SIMC1: variants seen among roughly 807,000 people sequenced by gnomAD.
SIMC1 encodes the protein SUMO interacting motifs containing 1, also known as SUMO-interacting motif-containing protein 1.
In SIMC1, 55 loss-of-function variants were observed where a neutral mutation model predicts 82.3. The ratio of observed to expected loss-of-function variants is 0.67; its 90% CI spans 0.54 to 0.84. The LOEUF is 0.84. Among genes scored for constraint, SIMC1 ranks in the 40% least tolerant of loss-of-function variants. SIMC1 has a pLI of 0.00. For missense variants in SIMC1, 915 were observed against 1,107.2 expected, an observed-to-expected ratio of 0.83 and a Z score of 2.46; for synonymous variants, 353 against 426.3, an observed-to-expected ratio of 0.83 and a Z score of 2.12.
rs542985050 is a variant in SIMC1 at position 176,245,175 on chromosome 5, G to A, written c.129+6538G>A. 5.1e-3 allele frequency among the ~76,000 whole-genome samples: 773 copies of A among 152,322 alleles called. 9 individuals are homozygous for A. The highest frequency in any genetic ancestry group is 0.018 in the African/African-American group (730 of 41,568). On this transcript the variant is annotated intron_variant, in intron 1 of 9. Transcript: ENST00000429602. ...AGGGTCATTGGCAGATATAATCAGT[G>A]AAGATGAGGTTGTGCCGAGTAGAGT... is the stretch of plus-strand genomic sequence containing the variant.
rs777072396 is a variant in SIMC1, at chr5:176,290,937, G to C, written c.1413G>C (p.Pro471=). 1 of 1,594,450 alleles carries C rather than the reference G, an allele frequency of 6.3e-7. No individual in the cohort carries two copies. Residue 471 remains proline (P), a synonymous_variant, in exon 2 of 10, where the codon CCG becomes CCC. Transcript: ENST00000429602. Reference sequence around the variant, plus strand: ...ACCTCTTCTTTCAGACGCTAATACCGGATAAAGACACAAGAGAGGTGAGCT... The same window carrying C: ...ACCTCTTCTTTCAGACGCTAATACCCGATAAAGACACAAGAGAGGTGAGCT... ...VHHLFFQTLI[P]DKDTRENKGQ... is the part of the protein sequence containing the mutation.
intron 4 of SIMC1, among the ~76,000 whole-genome samples, chr5:176,303,562 C>A (rs1043201290): frequency 6.6e-6 from 1 of 151,936 alleles, no homozygotes; most frequent in East Asian, 1.9e-4. Flanking sequence ...TCAGATGATC[C>A]GCCCGCCTCG....
At chr5:176,271,926 TTATA>T (rs201323557) in intron 1 of SIMC1, among the ~76,000 whole-genome samples, 64,480 of 142,360 alleles carry the variant, frequency 0.45, 16,235 homozygotes, top group Non-Finnish European at 0.57. Context: ...GTATATTATA[TTATA>T]ATATATACTA....
intron 5 of SIMC1, among the ~76,000 whole-genome samples, 199 bp from the exon 6 acceptor site, chr5:176,322,074 T>G (rs1765186115): frequency 6.6e-6 from 1 of 152,036 alleles, no homozygotes; most frequent in South Asian, 2.1e-4. Flanking sequence ...ATGTTTTTAT[T>G]AGACTTGTTT....
intron 9 of SIMC1, among the ~76,000 whole-genome samples, chr5:176,341,212 T>A (rs1461765258): frequency 6.6e-6 from 1 of 152,138 alleles, no homozygotes; most frequent in East Asian, 1.9e-4. Flanking sequence ...ACAAGAGTTT[T>A]CCAGAAAGAA....
At chr5:176,252,860 G>C (rs1464593613) in intron 1 of SIMC1, among the ~76,000 whole-genome samples, 1 of 152,228 alleles carries the variant, frequency 6.6e-6, no homozygotes, top group African/African-American at 2.4e-5. Flanking sequence ...ATTGAGCACT[G>C]AGTGAACGAG....
chr5:176,308,659 C>T, intron 4 of SIMC1: 1 of 1,569,884 alleles, frequency 6.4e-7, no homozygotes, highest in Non-Finnish European at 8.8e-7. Context: ...CAGCACATCT[C>T]CATTGAGGGC....
At chr5:176,259,247 A>C (rs1022665613) in intron 1 of SIMC1, among the ~76,000 whole-genome samples, 1 of 152,188 alleles carries the variant, frequency 6.6e-6, no homozygotes, top group Non-Finnish European at 1.5e-5. Context: ...TGGACAGATC[A>C]CTTGAGTTGG....
rs1026439637 is a variant in SIMC1, at chr5:176,337,594, A to C, written c.2413+448A>C. ...GGGCAACAGAGTGAGACCCTGTCTC[A>C]AGGGGGGCGGAAAAAAAGAGAAGTC... On this transcript the variant is annotated intron_variant, in intron 9 of 9. Coordinates refer to ENST00000429602, the MANE Select transcript of SIMC1 (RefSeq NM_001308195.2). 3.3e-5 allele frequency among the ~76,000 whole-genome samples: 5 copies of C among 152,190 alleles called. No homozygotes were observed. In the South Asian group the frequency reaches 6.2e-4, roughly 19 times the overall value.
At chr5:176,339,223 G>T (rs1024761539) in intron 9 of SIMC1, among the ~76,000 whole-genome samples, 1 of 152,142 alleles carries the variant, frequency 6.6e-6, no homozygotes, top group African/African-American at 2.4e-5. Flanking sequence ...AATTAGCTGG[G>T]TATAGTGGCG....
chr5:176,284,413 T>C (rs7730393), intron 1 of SIMC1, among the ~76,000 whole-genome samples: 111,662 of 152,106 alleles, frequency 0.73, 41,157 homozygotes, highest in Middle Eastern at 0.84. Context: ...CAACCTGCTA[T>C]TGAATGACTA....
intron 1 of SIMC1, among the ~76,000 whole-genome samples, chr5:176,278,013 G>C (rs1289166904): frequency 2.1e-5 from 3 of 140,228 alleles, no homozygotes; most frequent in Non-Finnish European, 4.6e-5. Context: ...GATGGGGATG[G>C]CATTGAATCT....
chr5:176,292,399 A>C (rs896382844), intron 2 of SIMC1, among the ~76,000 whole-genome samples: 1 of 152,194 alleles, frequency 6.6e-6, no homozygotes, highest in Non-Finnish European at 1.5e-5. Context: ...CTCCTCATTC[A>C]AGCAGTGATC....
intron 1 of SIMC1, among the ~76,000 whole-genome samples, chr5:176,272,196 AAAG>A (rs1280788142): frequency 3.5e-5 from 5 of 144,570 alleles, no homozygotes; most frequent in East Asian, 4.0e-4. Flanking sequence ...AAAAAAAAAA[AAAG>A]GTGGGCATGG....
intron 2 of SIMC1, among the ~76,000 whole-genome samples, chr5:176,292,692 C>T (rs967670368): frequency 3.9e-5 from 6 of 152,052 alleles, no homozygotes; most frequent in African/African-American, 1.2e-4. Flanking sequence ...TACAGGTGCC[C>T]GCTACCACTT....
In SIMC1 at chr5:176,276,602, C is replaced by T. The variant is rs577586822; in HGVS notation, c.130-13052C>T. On this transcript the variant is annotated intron_variant, in intron 1 of 9. Coordinates refer to ENST00000429602, the MANE Select transcript of SIMC1 (RefSeq NM_001308195.2). ...CCCAATGCTATCCCTCCCCCCTCCC[C>T]CCACCCCACAACAGTCCCCAGAGCG... Among the ~76,000 whole-genome samples the T allele has an allele frequency of 3.4e-5, 4 of 116,208 alleles. No individual in the cohort carries two copies. The South Asian group carries it at 1.0e-3, about 30-fold the overall frequency. The allele number at this position is 116,208 out of a possible 152,430, so 76.2% of individuals were successfully genotyped here.
intron 4 of SIMC1, among the ~76,000 whole-genome samples, chr5:176,307,599 A>C (rs1263940595): frequency 6.6e-6 from 1 of 152,054 alleles, no homozygotes; most frequent in Non-Finnish European, 1.5e-5. Flanking sequence ...ACGGGGTTTC[A>C]CTGTGTTAGC....
intron 2 of SIMC1, among the ~76,000 whole-genome samples, chr5:176,294,686 G>A (rs1387563266): frequency 7.9e-5 from 12 of 151,180 alleles, no homozygotes; most frequent in African/African-American, 1.2e-4. Context: ...ATCCCGGCTC[G>A]GCGCCGTGGC....
In SIMC1 at chr5:176,275,900, C is replaced by A. The variant is rs1762668241; in HGVS notation, c.130-13754C>A. The stretch of plus-strand genomic sequence containing the variant: ...AGTATTTTATTGAGGATTTTTGCAT[C>A]AATGTTCATCAAGGATATTGGTCTA... On this transcript the variant is annotated intron_variant, in intron 1 of 9. Coordinates refer to ENST00000429602, the MANE Select transcript of SIMC1 (RefSeq NM_001308195.2). Among the ~76,000 whole-genome samples the A allele has an allele frequency of 2.0e-5, 3 of 151,724 alleles. No homozygotes were observed. In the South Asian group the frequency reaches 6.2e-4, roughly 31 times the overall value.
Sources: gnomAD v4.1 joint callset for allele counts (sites outside exome capture counted in the v4.1 genomes callset) on GRCh38, gnomAD v4.1.1 for gene constraint, MANE v1.5 for transcripts, NCBI Gene and HGNC (gene_info 2026-07-23, HGNC 2026-07-21) for gene names.